SEC24B: variants seen among roughly 807,000 people sequenced by gnomAD.
SEC24B encodes the protein SEC24 homolog B, COPII component.
A neutral mutation model predicts 142.8 loss-of-function variants in SEC24B; 45 were observed. The observed-to-expected ratio is 0.32, with a 90% CI of 0.25 to 0.40. The LOEUF (loss-of-function observed/expected upper bound fraction) is 0.40, where lower values mean the gene tolerates loss of function less well. Among genes scored for constraint, SEC24B ranks in the 10% least tolerant of loss-of-function variants. The pLI is 1.00. For synonymous variants in SEC24B, 574 were observed against 568.2 expected, an observed-to-expected ratio of 1.01 and a Z score of -0.15; for missense variants, 1,409 against 1,526.8, an observed-to-expected ratio of 0.92 and a Z score of 1.29.
chr4:109,539,514 C>T (rs775772380), intron 23 of SEC24B, 47 bp from the exon 24 acceptor site: 2 of 1,153,966 alleles, frequency 1.7e-6, no homozygotes, highest in Non-Finnish European at 2.6e-6. Flanking sequence ...GTGGTGAAAT[C>T]AGGGCTTTTA....
intron 1 of SEC24B, 110 bp downstream of exon 1, chr4:109,434,112 C>T: frequency 1.3e-6 from 1 of 745,044 alleles, no homozygotes; most frequent in Non-Finnish European, 1.6e-6. Context: ...GGGGCCAGGC[C>T]CGGCCCGAGG....
At chr4:109,452,909 G>A (rs1249244499) in intron 1 of SEC24B, among the ~76,000 whole-genome samples, 4 of 152,064 alleles carry the variant, frequency 2.6e-5, no homozygotes, top group African/African-American at 9.7e-5. Flanking sequence ...AGATATCGGG[G>A]GAACCCGCCT....
At chr4:109,515,002 C>T (rs1440095173) in intron 10 of SEC24B, among the ~76,000 whole-genome samples, 3 of 152,124 alleles carry the variant, frequency 2.0e-5, no homozygotes, top group Admixed American at 6.5e-5. Context: ...CATATTGGGT[C>T]CTTAGGAATC....
At chr4:109,434,650 C>T (rs994616503) in intron 1 of SEC24B, among the ~76,000 whole-genome samples, 2 of 152,210 alleles carry the variant, frequency 1.3e-5, no homozygotes, top group East Asian at 3.9e-4. Context: ...ATTGCCGCTG[C>T]GGCTGCTGCT....
chr4:109,476,997 C>T (rs1733228517), intron 3 of SEC24B, among the ~76,000 whole-genome samples: 1 of 151,396 alleles, frequency 6.6e-6, no homozygotes, highest in African/African-American at 2.4e-5. Context: ...ATTAGCCGGG[C>T]GTAGTGGCGG....
intron 5 of SEC24B, among the ~76,000 whole-genome samples, chr4:109,493,024 T>C (rs1735177371): frequency 6.6e-6 from 1 of 152,076 alleles, no homozygotes; most frequent in Non-Finnish European, 1.5e-5. Context: ...CCAGCGCCAT[T>C]GTTTTTTTTT....
intron 11 of SEC24B, among the ~76,000 whole-genome samples, chr4:109,517,218 A>C (rs1561166105): frequency 6.6e-6 from 1 of 152,222 alleles, no homozygotes; most frequent in Non-Finnish European, 1.5e-5. Context: ...AGGATACATA[A>C]TCAGACTAAG....
At chr4:109,500,097 G>GA (rs1322406153) in intron 6 of SEC24B, among the ~76,000 whole-genome samples, 6 of 152,046 alleles carry the variant, frequency 3.9e-5, no homozygotes, top group African/African-American at 1.2e-4. Context: ...AGTTTAAAAG[G>GA]AAAAAAATTT....
At chr4:109,476,110 C>G (rs961310901) in intron 3 of SEC24B, among the ~76,000 whole-genome samples, 13 of 151,868 alleles carry the variant, frequency 8.6e-5, no homozygotes, top group African/African-American at 3.1e-4. Context: ...TCTCAGCCTC[C>G]TGAGTAGCTG....
Position 109,480,886 on chromosome 4 carries a change from A to G in SEC24B, c.1061-791A>G, listed in dbSNP as rs114782371. On this transcript the variant is annotated intron_variant, in intron 3 of 23. Transcript: ENST00000265175. Reference sequence around the variant, plus strand: ...TCAAATAATAGAAATACCCAATTACATTTTTTTAAGGGAATTAGTAAACAG... The same window carrying G: ...TCAAATAATAGAAATACCCAATTACGTTTTTTTAAGGGAATTAGTAAACAG... Among the ~76,000 whole-genome samples, 764 of 152,262 alleles carry G rather than the reference A, an allele frequency of 5.0e-3. 4 individuals carry two copies. The highest frequency in any genetic ancestry group is 8.2e-3 in the Non-Finnish European group (559 of 68,026).
Position 109,437,033 on chromosome 4 carries a change from C to T in SEC24B, c.133+3031C>T, listed in dbSNP as rs563090773. ...AGAAACTCCAGTTTGTAACTGGTTC[C>T]TCAGAAGTACAGATGGCAACCTGCT... On this transcript the variant is annotated intron_variant, in intron 1 of 23. Transcript: ENST00000265175. Among the ~76,000 whole-genome samples the T allele has an allele frequency of 2.6e-5, 4 of 152,290 alleles. No individual in the cohort carries two copies. In the East Asian group the frequency reaches 7.7e-4, roughly 29 times the overall value.
rs1215124500 is a variant in SEC24B, at chr4:109,539,898, T to G, written c.*223T>G. 7.9e-6 allele frequency: 4 copies of G among 503,862 alleles called. No individual in the cohort carries two copies. Among genetic ancestry groups the G allele is most frequent in the Non-Finnish European group, 1.4e-5 (4 of 286,430 alleles). 31.2% of individuals were successfully genotyped at this position (503,862 alleles called of 1,614,324 possible). A position where few individuals can be genotyped will look rare whatever the true frequency, so the allele number is the denominator to read the frequency against. On this transcript the variant is annotated 3_prime_UTR_variant, in exon 24 of 24. Coordinates refer to ENST00000265175, the MANE Select transcript of SEC24B (RefSeq NM_006323.5). ...GATGATGCTGTTTCACCAAGTATATTTTGAATTGGTTTCTACACATTTCCA... is the reference window on the plus strand; with the variant it reads ...GATGATGCTGTTTCACCAAGTATATGTTGAATTGGTTTCTACACATTTCCA...
At chr4:109,444,575 A>G (rs1729264763) in intron 1 of SEC24B, among the ~76,000 whole-genome samples, 1 of 151,056 alleles carries the variant, frequency 6.6e-6, no homozygotes, top group East Asian at 2.0e-4. Context: ...CAAGAGAATC[A>G]GTTTTCCTTT....
chr4:109,465,495 C>G (rs1286235084), intron 2 of SEC24B, among the ~76,000 whole-genome samples: 1 of 152,220 alleles, frequency 6.6e-6, no homozygotes, highest in Non-Finnish European at 1.5e-5. Flanking sequence ...AGGTCAGTTT[C>G]TTCTGTCTCC....
intron 17 of SEC24B, among the ~76,000 whole-genome samples, chr4:109,526,965 T>G (rs1001753143): frequency 2.6e-5 from 4 of 152,166 alleles, no homozygotes; most frequent in African/African-American, 9.7e-5. Context: ...ACGCCTGTAA[T>G]CCCAGCACTT....
At chr4:109,484,479 A>C (rs1734140915) in intron 4 of SEC24B, among the ~76,000 whole-genome samples, 1 of 152,194 alleles carries the variant, frequency 6.6e-6, no homozygotes, top group Non-Finnish European at 1.5e-5. Flanking sequence ...AAAATTAATA[A>C]GTCATTTGTG....
intron 23 of SEC24B, among the ~76,000 whole-genome samples, chr4:109,539,184 A>G (rs1579024304): frequency 6.7e-6 from 1 of 148,576 alleles, no homozygotes; most frequent in Admixed American, 6.7e-5. Context: ...CTGGTCTTGA[A>G]CTCCTCACCT....
At chr4:109,452,842 T>A (rs1730247592) in intron 1 of SEC24B, among the ~76,000 whole-genome samples, 1 of 152,244 alleles carries the variant, frequency 6.6e-6, no homozygotes, top group South Asian at 2.1e-4. Context: ...TTCTTTTAAT[T>A]TTCCTGAACA....
chr4:109,453,717 T>C (rs1730372661), intron 1 of SEC24B, among the ~76,000 whole-genome samples: 1 of 152,166 alleles, frequency 6.6e-6, no homozygotes. Flanking sequence ...TGAGGCGACA[T>C]ACATCCTCAG....
Sources: gnomAD v4.1 joint callset for allele counts (sites outside exome capture counted in the v4.1 genomes callset) on GRCh38, gnomAD v4.1.1 for gene constraint, MANE v1.5 for transcripts, NCBI Gene and HGNC (gene_info 2026-07-23, HGNC 2026-07-21) for gene names.